The following BDKRB2 variants were observed in gnomAD, a reference collection of about 807,000 sequenced individuals.
BDKRB2 encodes the protein B2 bradykinin receptor.
A neutral mutation model predicts 4.0 loss-of-function variants in BDKRB2; 6 were observed. The observed-to-expected ratio is 1.49, with a 90% CI of 0.81 to 2.93. BDKRB2 has a LOEUF of 2.93. Among genes scored for constraint, BDKRB2 ranks in the 30% most tolerant of loss-of-function variants. The pLI is 0.00. For missense variants in BDKRB2, 478 were observed against 520.1 expected (o/e 0.92, Z 0.79); for synonymous variants, 225 against 215.3 (o/e 1.05, Z -0.40).
At position 96,244,089 on chromosome 14, in the gene BDKRB2, T is replaced by A. The variant is rs1364628125; in HGVS notation, c.*2585T>A. 1 of 398,048 alleles carries A rather than the reference T, an allele frequency of 2.5e-6. No homozygotes were observed. The highest frequency in any genetic ancestry group is 1.3e-4 in the South Asian group (1 of 7,572). The allele number at this position is 398,048 out of a possible 1,614,324, so 24.7% of individuals were successfully genotyped here. On this transcript the variant is annotated 3_prime_UTR_variant, in exon 3 of 3. Coordinates refer to ENST00000554311, the MANE Select transcript of BDKRB2 (RefSeq NM_001379692.1). ...GCTGTTATGTTGTAAACAGGAAGCA[T>A]TTCACATCCAAACGAGAAAATCATG...
Position 96,240,511 on chromosome 14 carries a change from C to T in BDKRB2, c.183C>T (p.Pro61=). 6.3e-7 allele frequency: 1 copy of T among 1,575,508 alleles called. No individual in the cohort carries two copies. The highest frequency in any genetic ancestry group is 8.6e-7 in the Non-Finnish European group (1 of 1,161,850). Reference sequence around the variant, plus strand: ...TGGGCTGGCTCAACACCATCCAGCCCCCCTTCCTCTGGGTGCTGTTCGTGC... The same window carrying T: ...TGGGCTGGCTCAACACCATCCAGCCTCCCTTCCTCTGGGTGCTGTTCGTGC... ...EWLGWLNTIQ[P]PFLWVLFVLA... Residue 61 remains proline (P), a synonymous_variant, in exon 3 of 3, where the codon CCC becomes CCT. Transcript: ENST00000554311.
At position 96,237,862 on chromosome 14, in the gene BDKRB2, C is replaced by T. The variant is rs761057891; in HGVS notation, c.74+681C>T. ...GCCAGGGATGGGCCAGGATCCATCC[C>T]CTTGGCTACTGTCTTGCTGAGAAAT... On this transcript the variant is annotated intron_variant, in intron 2 of 2. Coordinates refer to ENST00000554311, the MANE Select transcript of BDKRB2 (RefSeq NM_001379692.1). 2.3e-6 allele frequency: 3 copies of T among 1,288,214 alleles called. No homozygotes were observed. In the South Asian group the frequency reaches 3.7e-5, roughly 16 times the overall value. 79.8% of individuals were successfully genotyped at this position (1,288,214 alleles called of 1,614,324 possible).
At chr14:96,220,429 C>G (rs1326796011) in intron 1 of BDKRB2, among the ~76,000 whole-genome samples, 2 of 152,048 alleles carry the variant, frequency 1.3e-5, no homozygotes, top group African/African-American at 4.8e-5. Flanking sequence ...TGTTTTAAAT[C>G]AATTACAAAA....
intron 1 of BDKRB2, among the ~76,000 whole-genome samples, chr14:96,221,349 G>T (rs558781536): frequency 1.3e-5 from 2 of 152,254 alleles, no homozygotes; most frequent in East Asian, 1.9e-4. Context: ...GCTGGTGCAA[G>T]CTCATCAGCT....
chr14:96,239,767 G>A (rs2139799208), intron 2 of BDKRB2: 1 of 982,402 alleles, frequency 1.0e-6, no homozygotes, highest in Non-Finnish European at 1.2e-6. Flanking sequence ...AAGGCAGCCA[G>A]GATGTGAACC....
rs201044205 is a variant in BDKRB2, at chr14:96,243,882, A to G, written c.*2378A>G. On this transcript the variant is annotated 3_prime_UTR_variant, in exon 3 of 3. Coordinates refer to ENST00000554311, the MANE Select transcript of BDKRB2 (RefSeq NM_001379692.1). ...GAGGCTGTGTTTTGTCACACAGGGC[A>G]GTCATTCAGCACCAGAGCACGTGAT... The G allele has an allele frequency of 6.3e-6, 2 of 317,488 alleles. No individual in the cohort carries two copies. The highest frequency in any genetic ancestry group is 2.1e-5 in the African/African-American group (1 of 46,806). 19.7% of individuals were successfully genotyped at this position (317,488 alleles called of 1,614,324 possible).
chr14:96,235,007 C>T (rs1392404008), intron 1 of BDKRB2, among the ~76,000 whole-genome samples: 1 of 152,168 alleles, frequency 6.6e-6, no homozygotes, highest in Admixed American at 6.5e-5. Context: ...CCCTCTGAAT[C>T]ACCAGCAAAT....
intron 1 of BDKRB2, among the ~76,000 whole-genome samples, chr14:96,218,036 T>C (rs555675978): frequency 2.8e-4 from 42 of 152,150 alleles, no homozygotes; most frequent in African/African-American, 8.7e-4. Context: ...CACCTGTAAA[T>C]GGGCATAACA....
rs563728847 is a variant in BDKRB2 at position 96,207,630 on chromosome 14, G to A, written c.-40+2671G>A. On this transcript the variant is annotated intron_variant, in intron 1 of 2. Coordinates refer to ENST00000554311, the MANE Select transcript of BDKRB2 (RefSeq NM_001379692.1). ...CTTTGGGTGATGATGATGTGTCAAC[G>A]CAGGTTCATCAATTACAACAAATTG... Among the ~76,000 whole-genome samples the A allele has an allele frequency of 2.6e-5, 4 of 152,230 alleles. No individual in the cohort carries two copies. The East Asian group carries it at 7.7e-4, about 29-fold the overall frequency.
At chr14:96,208,339 G>T (rs1417246190) in intron 1 of BDKRB2, among the ~76,000 whole-genome samples, 2 of 152,212 alleles carry the variant, frequency 1.3e-5, no homozygotes, top group East Asian at 3.9e-4. Flanking sequence ...CTGGAGGCTG[G>T]AAACATATGT....
At chr14:96,237,860 C>T in intron 2 of BDKRB2, 2 of 1,288,628 alleles carry the variant, frequency 1.6e-6, no homozygotes, top group Non-Finnish European at 2.0e-6. Context: ...CAGGATCCAT[C>T]CCCTTGGCTA....
intron 1 of BDKRB2, chr14:96,233,545 G>A (rs924614659): frequency 6.6e-6 from 1 of 152,132 alleles, no homozygotes; most frequent in Non-Finnish European, 1.5e-5. Context: ...GTCCTTCTGC[G>A]CCTGCTGTTT....
chr14:96,222,701 A>T (rs1284237125), intron 1 of BDKRB2, among the ~76,000 whole-genome samples: 1 of 151,514 alleles, frequency 6.6e-6, no homozygotes, highest in Non-Finnish European at 1.5e-5. Flanking sequence ...AGCACTTGAA[A>T]GGTGGCTGCT....
intron 1 of BDKRB2, among the ~76,000 whole-genome samples, chr14:96,226,501 A>C (rs940042329): frequency 1.9e-4 from 29 of 152,128 alleles, no homozygotes; most frequent in African/African-American, 7.0e-4. Flanking sequence ...CTAAAAATAC[A>C]AAATTAGCTG....
intron 1 of BDKRB2, among the ~76,000 whole-genome samples, chr14:96,224,431 G>A (rs1252670383): frequency 1.3e-5 from 2 of 152,176 alleles, no homozygotes; most frequent in South Asian, 2.1e-4. Context: ...CATTGCAGGG[G>A]TTTCTCTGTA....
intron 1 of BDKRB2, among the ~76,000 whole-genome samples, chr14:96,208,593 A>G (rs1186433215): frequency 1.3e-5 from 2 of 152,138 alleles, no homozygotes; most frequent in Non-Finnish European, 2.9e-5. Flanking sequence ...CAGGTACCAG[A>G]CGGACTGTCT....
rs1440284872 is a variant in BDKRB2, at chr14:96,237,712, G to T, written c.74+531G>T. ...TCCACTCCAACCTCTCCACCCTGCT[G>T]CAGGTGCTGCCTATGATGAAGATGA... On this transcript the variant is annotated intron_variant, in intron 2 of 2. Transcript: ENST00000554311. 3 of 1,289,224 alleles carry T rather than the reference G, an allele frequency of 2.3e-6. No individual in the cohort carries two copies. In the African/African-American group the frequency reaches 4.6e-5, roughly 20 times the overall value. The allele number at this position is 1,289,224 out of a possible 1,614,324, so 79.9% of individuals were successfully genotyped here. A position where few individuals can be genotyped will look rare whatever the true frequency, so the allele number is the denominator to read the frequency against.
chr14:96,205,249 T>G (rs1890147937), intron 1 of BDKRB2, among the ~76,000 whole-genome samples: 1 of 152,068 alleles, frequency 6.6e-6, no homozygotes, highest in Non-Finnish European at 1.5e-5. Context: ...CGTGATTGGA[T>G]TTTCACATAC....
At chr14:96,223,127 A>C in intron 1 of BDKRB2, 2 of 1,282,748 alleles carry the variant, frequency 1.6e-6, no homozygotes, top group Non-Finnish European at 2.3e-6. Flanking sequence ...AAACAAATTC[A>C]CTATTCGGAC....
Sources: allele counts gnomAD v4.1 joint callset (sites outside exome capture counted in the v4.1 genomes callset), GRCh38; gene constraint gnomAD v4.1.1; transcripts MANE v1.5; gene names NCBI Gene and HGNC (gene_info 2026-07-23, HGNC 2026-07-21).